Variants in ATRNL1 observed in about 807,000 individuals in gnomAD.
ATRNL1 encodes attractin-like protein 1.
A neutral mutation model predicts 182.7 loss-of-function variants in ATRNL1; 95 were observed. The ratio of observed to expected loss-of-function variants is 0.52; its 90% confidence interval spans 0.44 to 0.62. The LOEUF (loss-of-function observed/expected upper bound fraction) is 0.62. Ranked by LOEUF, ATRNL1 falls within the 20% of genes least tolerant of loss-of-function variation. ATRNL1 has a pLI of 0.00. For synonymous variants in ATRNL1, 576 were observed against 568.3 expected (o/e 1.01, Z -0.19); for missense variants, 1,471 against 1,679.5 (o/e 0.88, Z 2.17).
chr10:115,279,375 A>G (rs1415494203), intron 13 of ATRNL1, among the ~76,000 whole-genome samples: 2 of 152,134 alleles, frequency 1.3e-5, no homozygotes, highest in Admixed American at 1.3e-4. Context: ...ACAACAAGCC[A>G]GAAGAGGAAT....
chr10:115,238,149 G>A (rs1219623207), intron 9 of ATRNL1, among the ~76,000 whole-genome samples: 17 of 152,056 alleles, frequency 1.1e-4, no homozygotes, highest in African/African-American at 3.9e-4. Context: ...TAGCTTTATA[G>A]TAAGTCCCAA....
intron 20 of ATRNL1, among the ~76,000 whole-genome samples, chr10:115,412,294 G>C (rs907043811): frequency 1.3e-5 from 2 of 152,074 alleles, no homozygotes; most frequent in African/African-American, 4.8e-5. Context: ...AAAAACCTGA[G>C]GGAAAATAGA....
At chr10:115,619,591 G>T (rs1463895857) in intron 26 of ATRNL1, among the ~76,000 whole-genome samples, 1 of 152,196 alleles carries the variant, frequency 6.6e-6, no homozygotes, top group Admixed American at 6.5e-5. Flanking sequence ...TTGCATGGAT[G>T]CTGTGATACT....
intron 28 of ATRNL1, among the ~76,000 whole-genome samples, chr10:115,918,576 A>G (rs1555117985): frequency 6.6e-6 from 1 of 152,194 alleles, no homozygotes; most frequent in African/African-American, 2.4e-5. Context: ...ATTCACCAAT[A>G]AGTGTTTATA....
At chr10:115,259,143 C>T (rs1851288735) in intron 10 of ATRNL1, among the ~76,000 whole-genome samples, 1 of 152,192 alleles carries the variant, frequency 6.6e-6, no homozygotes, top group Non-Finnish European at 1.5e-5. Flanking sequence ...AGAACCACTG[C>T]CCTCTTCAGA....
At chr10:115,490,114 C>T (rs569016600) in intron 24 of ATRNL1, among the ~76,000 whole-genome samples, 1 of 152,242 alleles carries the variant, frequency 6.6e-6, no homozygotes, top group East Asian at 1.9e-4. Context: ...GATGGGCTTC[C>T]CTTTGTGGGT....
At chr10:115,417,342 C>T (rs1554961045) in intron 20 of ATRNL1, among the ~76,000 whole-genome samples, 1 of 152,184 alleles carries the variant, frequency 6.6e-6, no homozygotes, top group African/African-American at 2.4e-5. Flanking sequence ...CACAGAACTG[C>T]TCACACAAAA....
intron 1 of ATRNL1, among the ~76,000 whole-genome samples, chr10:115,118,627 A>G (rs1160701996): frequency 6.6e-6 from 1 of 151,858 alleles, no homozygotes; most frequent in Admixed American, 6.6e-5. Context: ...GTTTCTTTGA[A>G]CCCCTATGTT....
chr10:115,325,088 T>C (rs995107237), intron 18 of ATRNL1, among the ~76,000 whole-genome samples: 2 of 152,200 alleles, frequency 1.3e-5, no homozygotes, highest in Non-Finnish European at 2.9e-5. Flanking sequence ...AGTAACTATT[T>C]TTCAAAACTA....
intron 25 of ATRNL1, among the ~76,000 whole-genome samples, chr10:115,539,882 T>C (rs1245537622): frequency 6.7e-6 from 1 of 149,588 alleles, no homozygotes; most frequent in African/African-American, 2.5e-5. Flanking sequence ...ATAGGAAAAG[T>C]GTGTAGTTTC....
At chr10:115,551,633 TA>T (rs1431265040) in intron 26 of ATRNL1, among the ~76,000 whole-genome samples, 2 of 151,580 alleles carry the variant, frequency 1.3e-5, no homozygotes, top group African/African-American at 2.4e-5. Context: ...GCTATAGCAT[TA>T]CATGTTAAAA....
chr10:115,153,581 A>G (rs936248792), intron 5 of ATRNL1, among the ~76,000 whole-genome samples: 1 of 151,562 alleles, frequency 6.6e-6, no homozygotes, highest in African/African-American at 2.4e-5. Flanking sequence ...TTTTTATTGC[A>G]TCTATTTGAT....
Position 115,345,151 on chromosome 10 carries a change from C to T in ATRNL1, c.3175+10732C>T, listed in dbSNP as rs143253824. Among the ~76,000 whole-genome samples the T allele has an allele frequency of 4.5e-3, 689 of 152,362 alleles. 5 individuals are homozygous for T. Among genetic ancestry groups the T allele is most frequent in the South Asian group, 9.7e-3 (47 of 4,828 alleles). On this transcript the variant is annotated intron_variant, in intron 19 of 28. Transcript: ENST00000355044. Reference sequence around the variant, plus strand: ...TGCCCTCCAGTTCACTGTTTCTGGGCCCAGTTCAGCACTAGGACTTGCCTA... The same window carrying T: ...TGCCCTCCAGTTCACTGTTTCTGGGTCCAGTTCAGCACTAGGACTTGCCTA...
intron 5 of ATRNL1, among the ~76,000 whole-genome samples, chr10:115,134,985 GC>G (rs1204521314): frequency 6.6e-6 from 1 of 151,958 alleles, no homozygotes; most frequent in African/African-American, 2.4e-5. Context: ...AAATTCAACA[GC>G]CCTTCATGCT....
chr10:115,398,155 T>TA (rs552680959), intron 20 of ATRNL1, among the ~76,000 whole-genome samples: 67 of 151,818 alleles, frequency 4.4e-4, no homozygotes, highest in African/African-American at 1.4e-3. Flanking sequence ...GTTGCTCAGG[T>TA]AAAAAAAATG....
intron 26 of ATRNL1, among the ~76,000 whole-genome samples, chr10:115,725,230 T>C (rs1286258784): frequency 2.0e-5 from 3 of 152,172 alleles, no homozygotes; most frequent in African/African-American, 7.2e-5. Flanking sequence ...AACTAGAATT[T>C]TTAAATATAC....
chr10:115,110,024 A>T (rs190277618), intron 1 of ATRNL1, among the ~76,000 whole-genome samples: 26 of 152,326 alleles, frequency 1.7e-4, no homozygotes, highest in Non-Finnish European at 3.2e-4. Context: ...AAATCAAACT[A>T]ATCTGTACTT....
At chr10:115,904,023 C>T (rs1338315676) in intron 28 of ATRNL1, among the ~76,000 whole-genome samples, 1 of 152,014 alleles carries the variant, frequency 6.6e-6, no homozygotes, top group Non-Finnish European at 1.5e-5. Context: ...GTAAGGACGG[C>T]CTCAGACCAA....
At chr10:115,294,492 T>C (rs1269247173) in intron 15 of ATRNL1, among the ~76,000 whole-genome samples, 1 of 152,222 alleles carries the variant, frequency 6.6e-6, no homozygotes, top group East Asian at 1.9e-4. Context: ...TATGAATTGT[T>C]TTTCTTATTT....
Sources: allele counts gnomAD v4.1 joint callset (sites outside exome capture counted in the v4.1 genomes callset), GRCh38; gene constraint gnomAD v4.1.1; transcripts MANE v1.5; gene names NCBI Gene and HGNC (gene_info 2026-07-23, HGNC 2026-07-21).